The following MYCT1 variants were observed in gnomAD, a reference collection of about 807,000 sequenced individuals.
The protein encoded by MYCT1 is MYC target 1, also known as myc target protein 1.
A neutral mutation model predicts 15.0 loss-of-function variants in MYCT1; 12 were observed. The ratio of observed to expected loss-of-function variants is 0.80; its 90% CI spans 0.51 to 1.29. The LOEUF is 1.29. Among genes scored for constraint, MYCT1 ranks in the 50% most tolerant of loss-of-function variants. The pLI is 0.00. For synonymous variants in MYCT1, 104 were observed against 102.7 expected (o/e 1.01, Z -0.07); for missense variants, 287 against 279.1 (o/e 1.03, Z -0.20).
Position 152,722,710 on chromosome 6 carries a change from T to C in MYCT1, c.*457T>C. ...TACTTTCTTTAGAATGACAAGTGAA[T>C]CATATTGACATTTTACAATCTTAGA... On this transcript the variant is annotated 3_prime_UTR_variant, in exon 2 of 2. Transcript: ENST00000367245. 2.8e-6 allele frequency: 1 copy of C among 359,348 alleles called. No homozygotes were observed. The highest frequency in any genetic ancestry group is 5.4e-6 in the Non-Finnish European group (1 of 184,548). 22.3% of individuals were successfully genotyped at this position (359,348 alleles called of 1,614,324 possible). A position where few individuals can be genotyped will look rare whatever the true frequency, so the allele number is the denominator to read the frequency against.
the MYCT1 span, among the ~76,000 whole-genome samples, chr6:152,744,619 G>A: frequency 6.6e-6 from 1 of 152,144 alleles, no homozygotes; most frequent in African/African-American, 2.4e-5. Context: ...AATCTTGCGG[G>A]AGGAATGTAG....
chr6:152,706,421 T>G (rs1180116491), intron 1 of MYCT1, among the ~76,000 whole-genome samples: 1 of 152,196 alleles, frequency 6.6e-6, no homozygotes, highest in Non-Finnish European at 1.5e-5. Flanking sequence ...TGCTTTCAAC[T>G]TAAATCGCTG....
the MYCT1 span, among the ~76,000 whole-genome samples, chr6:152,729,659 A>G: frequency 1.3e-5 from 2 of 152,190 alleles, no homozygotes; most frequent in African/African-American, 4.8e-5. Flanking sequence ...AAATTAAGGA[A>G]GAAACTGCAG....
chr6:152,721,416 T>TA (rs1040964151), intron 1 of MYCT1, among the ~76,000 whole-genome samples: 62 of 152,294 alleles, frequency 4.1e-4, no homozygotes, highest in African/African-American at 1.4e-3. Flanking sequence ...TGCAGCTCTG[T>TA]AAAAAATGGA....
the MYCT1 span, among the ~76,000 whole-genome samples, chr6:152,744,503 TAA>T: frequency 1.4e-4 from 21 of 152,088 alleles, no homozygotes; most frequent in Non-Finnish European, 2.9e-4. Flanking sequence ...GAGAGTTTAA[TAA>T]AGAGGTAGAA....
the MYCT1 span, among the ~76,000 whole-genome samples, chr6:152,729,613 G>A: frequency 7.9e-5 from 12 of 152,290 alleles, no homozygotes; most frequent in Middle Eastern, 3.4e-3. Flanking sequence ...GGAACATTTC[G>A]TGGTAGGATG....
chr6:152,729,557 G>A (rs1033077933), downstream of MYCT1, among the ~76,000 whole-genome samples: 12 of 152,164 alleles, frequency 7.9e-5, no homozygotes, highest in Non-Finnish European at 1.3e-4. Flanking sequence ...GAAGTATAAT[G>A]CAAAGAACCA....
At chr6:152,705,409 G>A (rs916494858) in intron 1 of MYCT1, among the ~76,000 whole-genome samples, 10 of 152,206 alleles carry the variant, frequency 6.6e-5, no homozygotes, top group African/African-American at 9.6e-5. Flanking sequence ...TTGCACCATC[G>A]TAGCCAAAAA....
At chr6:152,701,603 T>G (rs112696065) in intron 1 of MYCT1, among the ~76,000 whole-genome samples, 6 of 151,884 alleles carry the variant, frequency 4.0e-5, no homozygotes, top group African/African-American at 1.5e-4. Context: ...GGTTATATAT[T>G]CTGTGTATTG....
At chr6:152,714,144 T>C (rs1007909419) in intron 1 of MYCT1, among the ~76,000 whole-genome samples, 1 of 151,984 alleles carries the variant, frequency 6.6e-6, no homozygotes, top group Non-Finnish European at 1.5e-5. Flanking sequence ...ATTGGTGATT[T>C]TCTCTTTCTC....
chr6:152,730,366 G>A, the MYCT1 span, among the ~76,000 whole-genome samples: 1 of 152,162 alleles, frequency 6.6e-6, no homozygotes, highest in Admixed American at 6.6e-5. Flanking sequence ...AATGACACCA[G>A]CCCATGCTCC....
At chr6:152,708,632 A>G (rs2099722699) in intron 1 of MYCT1, among the ~76,000 whole-genome samples, 1 of 152,122 alleles carries the variant, frequency 6.6e-6, no homozygotes, top group African/African-American at 2.4e-5. Context: ...ATTTCATATG[A>G]AAATATTTTA....
the MYCT1 span, among the ~76,000 whole-genome samples, chr6:152,744,495 G>C: frequency 6.6e-6 from 1 of 152,152 alleles, no homozygotes; most frequent in Non-Finnish European, 1.5e-5. Context: ...GAATTGAGGA[G>C]AGTTTAATAA....
the MYCT1 span, among the ~76,000 whole-genome samples, chr6:152,745,973 G>C: frequency 6.6e-6 from 1 of 152,104 alleles, no homozygotes; most frequent in African/African-American, 2.4e-5. Flanking sequence ...GATAACACAG[G>C]GTTCTGTCAT....
chr6:152,718,502 T>A (rs1291905464), intron 1 of MYCT1, among the ~76,000 whole-genome samples: 2 of 152,126 alleles, frequency 1.3e-5, no homozygotes, highest in African/African-American at 4.8e-5. Flanking sequence ...CACCTCGGCC[T>A]CGCAAAGTGC....
chr6:152,728,843 C>T (rs1188631169), downstream of MYCT1, among the ~76,000 whole-genome samples: 1 of 152,126 alleles, frequency 6.6e-6, no homozygotes, highest in Non-Finnish European at 1.5e-5. Context: ...GGGGTTGAGG[C>T]TTCAGTGAGC....
the MYCT1 span, among the ~76,000 whole-genome samples, chr6:152,733,460 C>A: frequency 6.6e-6 from 1 of 152,164 alleles, no homozygotes; most frequent in Non-Finnish European, 1.5e-5. Context: ...ACTGGTGTCT[C>A]TTTATCAGGC....
At chr6:152,730,582 T>C in the MYCT1 span, among the ~76,000 whole-genome samples, 30 of 152,348 alleles carry the variant, frequency 2.0e-4, no homozygotes, top group South Asian at 6.0e-3. Flanking sequence ...TACCAGACCT[T>C]ACTCTTGTTA....
the MYCT1 span, among the ~76,000 whole-genome samples, chr6:152,744,000 C>T: frequency 6.6e-6 from 1 of 152,182 alleles, no homozygotes; most frequent in Non-Finnish European, 1.5e-5. Context: ...GCGCCAGCAG[C>T]CCTGGAGACG....
Sources: allele counts gnomAD v4.1 joint callset (sites outside exome capture counted in the v4.1 genomes callset), GRCh38; gene constraint gnomAD v4.1.1; transcripts MANE v1.5; gene names NCBI Gene and HGNC (gene_info 2026-07-23, HGNC 2026-07-21).